Variants in ESRRG observed in about 807,000 individuals in gnomAD.
The protein encoded by ESRRG is estrogen related receptor gamma, also known as estrogen-related receptor gamma.
In ESRRG, 13 loss-of-function variants were observed where a neutral mutation model predicts 44.0. That is an observed-to-expected ratio of 0.30 (90% CI 0.19 to 0.47). The LOEUF is 0.47. Ranked by LOEUF, ESRRG falls within the 20% of genes least tolerant of loss-of-function variation. The pLI, the probability that ESRRG is intolerant of heterozygous loss-of-function variation, is 1.00. For missense variants in ESRRG, 395 were observed against 580.6 expected (o/e 0.68, Z 3.29); for synonymous variants, 215 against 214.6 (o/e 1.00, Z -0.02).
chr1:217,084,772 A>T (rs1204595602), intron 1 of ESRRG, among the ~76,000 whole-genome samples: 1 of 152,204 alleles, frequency 6.6e-6, no homozygotes, highest in Non-Finnish European at 1.5e-5. Flanking sequence ...ATATAAATAA[A>T]TAAAATATCT....
chr1:216,592,382 T>A (rs995815759), intron 3 of ESRRG, among the ~76,000 whole-genome samples: 1 of 152,208 alleles, frequency 6.6e-6, no homozygotes, highest in Non-Finnish European at 1.5e-5. Flanking sequence ...AAAGTTACTG[T>A]TGCCTGGAAG....
chr1:216,528,404 C>T (rs1167283627), intron 5 of ESRRG, among the ~76,000 whole-genome samples: 2 of 152,138 alleles, frequency 1.3e-5, no homozygotes, highest in African/African-American at 4.8e-5. Context: ...TTATAAGTAA[C>T]CATTCACAAC....
At chr1:217,023,887 C>T (rs2080758505) in intron 1 of ESRRG, among the ~76,000 whole-genome samples, 2 of 152,158 alleles carry the variant, frequency 1.3e-5, no homozygotes, top group African/African-American at 4.8e-5. Flanking sequence ...GTGAAGTCAC[C>T]ATGCATGGCA....
chr1:216,967,197 C>T (rs2070611953), intron 1 of ESRRG, among the ~76,000 whole-genome samples: 1 of 152,084 alleles, frequency 6.6e-6, no homozygotes, highest in African/African-American at 2.4e-5. Context: ...TATTCCCCAC[C>T]AGAGGGGTAC....
At chr1:216,746,758 G>A (rs2091448854) in intron 2 of ESRRG, among the ~76,000 whole-genome samples, 1 of 152,128 alleles carries the variant, frequency 6.6e-6, no homozygotes, top group African/African-American at 2.4e-5. Flanking sequence ...CTCTTACAGA[G>A]TTGTCAAATT....
chr1:217,069,426 A>AATAT (rs3072275), intron 1 of ESRRG, among the ~76,000 whole-genome samples: 319 of 148,434 alleles, frequency 2.1e-3, no homozygotes, highest in African/African-American at 5.2e-3. Context: ...CAGATATAGA[A>AATAT]ATATATATAT....
chr1:217,039,051 A>G lies in ESRRG; in HGVS notation c.-106+50456T>C, dbSNP rs2083390976. Among the ~76,000 whole-genome samples, 3 of 151,802 alleles carry G rather than the reference A, an allele frequency of 2.0e-5. No homozygotes were observed. In the South Asian group the frequency reaches 6.2e-4, roughly 31 times the overall value. On this transcript the variant is annotated intron_variant, in intron 1 of 7. Coordinates refer to the ESRRG transcript ENST00000359162. ...TTGCCAGTCTCTTTGCTAAAACAGAAAAAGAGTCACGTTTGCTCCAGTTCG... is the reference window on the plus strand; with the variant it reads ...TTGCCAGTCTCTTTGCTAAAACAGAGAAAGAGTCACGTTTGCTCCAGTTCG...
At chr1:216,752,384 C>A (rs1297529820) in intron 2 of ESRRG, among the ~76,000 whole-genome samples, 3 of 151,982 alleles carry the variant, frequency 2.0e-5, no homozygotes, top group African/African-American at 2.4e-5. Context: ...AAGAGGTAGG[C>A]ACTCTGCAAC....
rs141815229 is a variant in ESRRG at position 217,022,088 on chromosome 1, G to A, written c.-106+67419C>T. Among the ~76,000 whole-genome samples, 1,367 of 152,304 alleles carry A rather than the reference G, an allele frequency of 9.0e-3. 13 individuals carry two copies. The highest frequency in any genetic ancestry group is 0.013 in the Non-Finnish European group (867 of 68,028). On this transcript the variant is annotated intron_variant, in intron 1 of 7. Transcript: ENST00000359162. ...CATCCACAGCAGAATATTTACATGA[G>A]CCTGAAGAGGTCTGAGAGTTTATTG...
At chr1:217,025,846 T>C (rs1319345865) in intron 1 of ESRRG, among the ~76,000 whole-genome samples, 1 of 152,236 alleles carries the variant, frequency 6.6e-6, no homozygotes. Flanking sequence ...CATATGGTTA[T>C]ATAGTTACAC....
chr1:216,706,076 T>C (rs1376207465), intron 1 of ESRRG, among the ~76,000 whole-genome samples: 1 of 152,172 alleles, frequency 6.6e-6, no homozygotes, highest in Non-Finnish European at 1.5e-5. Flanking sequence ...CAGCAACCCC[T>C]GATGTTTCAT....
intron 3 of ESRRG, among the ~76,000 whole-genome samples, chr1:216,579,396 A>C (rs1301932843): frequency 2.6e-5 from 4 of 152,102 alleles, no homozygotes; most frequent in African/African-American, 9.7e-5. Flanking sequence ...AACATACCAA[A>C]ATTTTTTGTC....
intron 2 of ESRRG, among the ~76,000 whole-genome samples, chr1:216,766,640 G>A (rs998521242): frequency 2.0e-5 from 3 of 152,022 alleles, no homozygotes; most frequent in Non-Finnish European, 4.4e-5. Flanking sequence ...GGGAAAACCA[G>A]TGTGATATCT....
At chr1:216,940,023 T>C (rs979426121) in intron 1 of ESRRG, among the ~76,000 whole-genome samples, 7 of 152,116 alleles carry the variant, frequency 4.6e-5, no homozygotes, top group African/African-American at 1.7e-4. Flanking sequence ...AATACCCATA[T>C]ATAACTTTCA....
rs532705687 is a variant in ESRRG, at chr1:216,763,927, T to C, written c.-13-86436A>G. On this transcript the variant is annotated intron_variant, in intron 2 of 7. Transcript: ENST00000359162. Reference sequence around the variant, plus strand: ...TATTTAGCACCGAGTAGGTATTCAATGTGTTACAGTCTTGAAGAGAAGACT... The same window carrying C: ...TATTTAGCACCGAGTAGGTATTCAACGTGTTACAGTCTTGAAGAGAAGACT... 5.9e-5 allele frequency among the ~76,000 whole-genome samples: 9 copies of C among 152,298 alleles called. No homozygotes were observed. The South Asian group carries it at 1.9e-3, about 32-fold the overall frequency.
In ESRRG at chr1:217,085,481, A is replaced by ATTTT. The variant is rs148354268; in HGVS notation, c.-106+4022_-106+4025dup. On this transcript the variant is annotated intron_variant, in intron 1 of 7. Coordinates refer to the ESRRG transcript ENST00000359162. ...TTTTCTTTCTTTTTCTTTTCTTTTC[A>ATTTT]TTTTTTTTTTTTTTTTTTTTTTTTT... Among the ~76,000 whole-genome samples, 11 of 49,124 alleles carry ATTTT rather than the reference A, an allele frequency of 2.2e-4. 1 individual carries two copies. Among genetic ancestry groups the ATTTT allele is most frequent in the African/African-American group, 9.2e-4 (10 of 10,826 alleles). 32.2% of individuals were successfully genotyped at this position (49,124 alleles called of 152,430 possible). A position where few individuals can be genotyped will look rare whatever the true frequency, so the allele number is the denominator to read the frequency against.
At chr1:216,525,077 T>C (rs139383215) in intron 5 of ESRRG, among the ~76,000 whole-genome samples, 1,621 of 152,288 alleles carry the variant, frequency 0.011, 29 homozygotes, top group African/African-American at 0.037. Flanking sequence ...TCTTTAGCAA[T>C]TATTCCTGGT....
At chr1:216,898,590 C>A (rs1361324863) in intron 2 of ESRRG, among the ~76,000 whole-genome samples, 1 of 152,126 alleles carries the variant, frequency 6.6e-6, no homozygotes, top group Admixed American at 6.5e-5. Context: ...TGCACTCCAG[C>A]CTAGGCGACA....
chr1:216,741,627 C>T (rs1377521585), intron 2 of ESRRG, among the ~76,000 whole-genome samples: 1 of 152,144 alleles, frequency 6.6e-6, no homozygotes, highest in Admixed American at 6.6e-5. Context: ...GACCCTGTCT[C>T]ATCTCAGAAT....
Sources: gnomAD v4.1 joint callset for allele counts (sites outside exome capture counted in the v4.1 genomes callset) on GRCh38, gnomAD v4.1.1 for gene constraint, MANE v1.5 for transcripts, NCBI Gene and HGNC (gene_info 2026-07-23, HGNC 2026-07-21) for gene names.